The following CLK2 variants were observed in gnomAD, a reference collection of about 807,000 sequenced individuals.
The protein encoded by CLK2 is dual specificity protein kinase CLK2.
A neutral mutation model predicts 73.5 loss-of-function variants in CLK2; 12 were observed. The observed-to-expected ratio is 0.16, with a 90% CI of 0.10 to 0.26. The LOEUF is 0.26. Among genes scored for constraint, CLK2 ranks in the 10% least tolerant of loss-of-function variants. The probability of loss-of-function intolerance (pLI) is 1.00; values close to 1 mark genes in which losing one functional copy is unlikely to be tolerated. For missense variants in CLK2, 509 were observed against 688.4 expected (o/e 0.74, Z 2.92); for synonymous variants, 232 against 237.9 (o/e 0.98, Z 0.23).
At position 155,264,685 on chromosome 1, in the gene CLK2, A is replaced by T. The variant is rs773336636; in HGVS notation, c.1023T>A (p.Ile341=). The T allele has an allele frequency of 1.9e-6, 3 of 1,614,198 alleles. 1 individual carries two copies. In the South Asian group the frequency reaches 3.3e-5, roughly 18 times the overall value. ...ATFDHEHHST[I]VSTRHYRAPE... is the part of the protein sequence containing the mutation. ...GTGCTCGGTAATGGCGAGTGGAGAC[A>T]ATGGTGCTATGGTGCTCATGGTCAA... Residue 341 remains isoleucine (I), a synonymous_variant, in exon 9 of 13, where the codon ATT becomes ATA. Coordinates refer to ENST00000368361, the MANE Select transcript of CLK2 (RefSeq NM_001294338.2).
chr1:155,269,075 C>T (rs1336657780), intron 3 of CLK2: 2 of 590,160 alleles, frequency 3.4e-6, no homozygotes, highest in South Asian at 4.0e-5. Context: ...ACCCACAACC[C>T]CATGCTCTAC....
At chr1:155,267,278 AGACG>A (rs1354155853) in intron 6 of CLK2, among the ~76,000 whole-genome samples, 2 of 151,990 alleles carry the variant, frequency 1.3e-5, no homozygotes, top group Non-Finnish European at 2.9e-5. Context: ...TTTTTAGTAC[AGACG>A]GGGTTTCACC....
At chr1:155,271,414 CG>C in intron 1 of CLK2, among the ~76,000 whole-genome samples, 1 of 152,248 alleles carries the variant, frequency 6.6e-6, no homozygotes, top group Non-Finnish European at 1.5e-5. Context: ...TTAGTAGAGA[CG>C]GGGTTTCACC....
At chr1:155,265,212 C>A (rs560934907) in intron 8 of CLK2, among the ~76,000 whole-genome samples, 2 of 152,214 alleles carry the variant, frequency 1.3e-5, no homozygotes, top group East Asian at 1.9e-4. Flanking sequence ...CTGAGATCTC[C>A]ATTATCTCCA....
At position 155,264,789 on chromosome 1, in the gene CLK2, G is replaced by A. The variant is rs1557931509; in HGVS notation, c.934-15C>T. ...TCATCTCGCTTCTAGGAGCAGAGGA[G>A]AAAGAGGATGAACCTCTGCACCCAG... On this transcript the variant is annotated splice_polypyrimidine_tract_variant and intron_variant, in intron 8 of 12. Transcript: ENST00000368361. 2.5e-6 allele frequency: 4 copies of A among 1,613,462 alleles called. No individual in the cohort carries two copies. The highest frequency in any genetic ancestry group is 3.4e-6 in the Non-Finnish European group (4 of 1,179,610).
At position 155,265,592 on chromosome 1, in the gene CLK2, A is replaced by AATAAATAT. The variant is rs145986141; in HGVS notation, c.933+267_933+268insATATTTAT. Among the ~76,000 whole-genome samples, 8,748 of 149,878 alleles carry AATAAATAT rather than the reference A, an allele frequency of 0.058. 1,546 individuals are homozygous for AATAAATAT. In the East Asian group the frequency reaches 0.67, roughly 11 times the overall value. On this transcript the variant is annotated intron_variant, in intron 8 of 12. Coordinates refer to ENST00000368361, the MANE Select transcript of CLK2 (RefSeq NM_001294338.2). ...AAATAAATAAATAAATAAATAAATAAATAAATAAATAAAGTCCAAACCAAG... is the reference window on the plus strand; with the variant it reads ...AAATAAATAAATAAATAAATAAATAAATAAATATATAAATAAATAAAGTCCAAACCAAG...
chr1:155,269,741 G>A (rs1284201950), intron 2 of CLK2, 25 bp from the exon 3 acceptor site: 2 of 1,593,340 alleles, frequency 1.3e-6, no homozygotes, highest in South Asian at 1.1e-5. Context: ...ATACCAATGA[G>A]GTGTATCTGT....
intron 6 of CLK2, among the ~76,000 whole-genome samples, chr1:155,267,360 G>C (rs1317226000): frequency 1.3e-5 from 2 of 152,178 alleles, no homozygotes; most frequent in Non-Finnish European, 2.9e-5. Context: ...AAAGTGCTGG[G>C]ATTACAGGCG....
Position 155,268,366 on chromosome 1 carries a change from T to C in CLK2, c.488-7A>G. On this transcript the variant is annotated splice_region_variant and splice_polypyrimidine_tract_variant and intron_variant, in intron 4 of 12. Coordinates refer to ENST00000368361, the MANE Select transcript of CLK2 (RefSeq NM_001294338.2). The surrounding 1 kb of genome is among the most constrained non-coding windows in gnomAD (Gnocchi z 5.6). ...AAGGTGCTAACGATTTCATCTGAAA[T>C]GAAAGAGAGCAGGGTCGGGGAGAGG... 6.2e-7 allele frequency: 1 copy of C among 1,613,060 alleles called. No individual in the cohort carries two copies. Among genetic ancestry groups the C allele is most frequent in the Non-Finnish European group, 8.5e-7 (1 of 1,179,550 alleles).
chr1:155,267,894 A>G, intron 6 of CLK2, 116 bp downstream of exon 6: 1 of 730,000 alleles, frequency 1.4e-6, no homozygotes, highest in South Asian at 1.6e-5. Flanking sequence ...GATGAACAAA[A>G]GATGAATGGA....
Position 155,272,575 on chromosome 1 carries a change from T to C in CLK2, c.-1+626A>G, listed in dbSNP as rs80184337. Among the ~76,000 whole-genome samples the C allele has an allele frequency of 1.4e-4, 21 of 152,286 alleles. No individual in the cohort carries two copies. The East Asian group carries it at 2.1e-3, about 15-fold the overall frequency. ...TGATTCCGATGTCTGACCACCATTC[T>C]GTATCACTTCTTCCCAACCTCCCCA... On this transcript the variant is annotated intron_variant, in intron 1 of 12. Coordinates refer to ENST00000368361, the MANE Select transcript of CLK2 (RefSeq NM_001294338.2).
chr1:155,264,622 T>TG lies in CLK2; in HGVS notation c.1063+22dup, dbSNP rs1406223168. 1.9e-6 allele frequency: 3 copies of TG among 1,614,096 alleles called. No homozygotes were observed. In the East Asian group the frequency reaches 6.7e-5, roughly 36 times the overall value. ...CCACCCTCACATCATCTCACACACT[T>TG]GGACAGCCTTGCCCTCCCTTACCAA... On this transcript the variant is annotated intron_variant, in intron 9 of 12. Coordinates refer to ENST00000368361, the MANE Select transcript of CLK2 (RefSeq NM_001294338.2).
rs1427607600 is a variant in CLK2, at chr1:155,270,782, TTGAGTATCTCTTCCTGAGGCC to T, written c.170+5_170+25del. On this transcript the variant is annotated splice_donor_5th_base_variant and intron_variant, in intron 2 of 12. Coordinates refer to ENST00000368361, the MANE Select transcript of CLK2 (RefSeq NM_001294338.2). ...AAGGAATGAGCGAGTGACCCTGTGT[TTGAGTATCTCTTCCTGAGGCC>T]TCACCTTCGAGAACGGACATGGTAG... The T allele has an allele frequency of 1.9e-6, 3 of 1,593,320 alleles. No individual in the cohort carries two copies. Among genetic ancestry groups the T allele is most frequent in the Non-Finnish European group, 2.6e-6 (3 of 1,163,112 alleles).
At position 155,268,861 on chromosome 1, in the gene CLK2, T is replaced by TGGGTGGGGGGGGGGG; in HGVS notation, c.400-67_400-66insCCCCCCCCCCCACCC. Reference sequence around the variant, plus strand: ...GAGCGGGGGCCGGAGGGAGGCGGGGTGGGTGGTAGAGGGGTCACCGGTCAC... The same window carrying TGGGTGGGGGGGGGGG: ...GAGCGGGGGCCGGAGGGAGGCGGGGTGGGTGGGGGGGGGGGGGGTGGTAGAGGGGTCACCGGTCAC... On this transcript the variant is annotated intron_variant, in intron 3 of 12. Coordinates refer to ENST00000368361, the MANE Select transcript of CLK2 (RefSeq NM_001294338.2). The surrounding 1 kb of genome is among the most constrained non-coding windows in gnomAD (Gnocchi z 5.6). The TGGGTGGGGGGGGGGG allele has an allele frequency of 8.4e-6, 2 of 237,798 alleles. No homozygotes were observed. The highest frequency in any genetic ancestry group is 9.9e-4 in the Middle Eastern group (1 of 1,012). The allele number at this position is 237,798 out of a possible 1,614,324, so 14.7% of individuals were successfully genotyped here. A position where few individuals can be genotyped will look rare whatever the true frequency, so the allele number is the denominator to read the frequency against.
chr1:155,270,692 A>G, intron 2 of CLK2, 116 bp downstream of exon 2: 9 of 1,202,196 alleles, frequency 7.5e-6, no homozygotes, highest in Non-Finnish European at 1.1e-5. Flanking sequence ...CTATCCCGAC[A>G]TTACCTTCAG....
chr1:155,269,444 C>T (rs1434778195), intron 3 of CLK2, 44 bp downstream of exon 3: 6 of 1,539,436 alleles, frequency 3.9e-6, no homozygotes, highest in South Asian at 2.2e-5. Context: ...TCCTAGAGGG[C>T]CTGCAGAAGA....
intron 6 of CLK2, among the ~76,000 whole-genome samples, chr1:155,267,412 C>T (rs1386605746): frequency 2.6e-5 from 4 of 152,096 alleles, no homozygotes; most frequent in East Asian, 1.9e-4. Context: ...TATCTTCCTG[C>T]GTCATTTTAA....
intron 1 of CLK2, among the ~76,000 whole-genome samples, chr1:155,271,851 T>A (rs557266760): frequency 6.6e-6 from 1 of 152,272 alleles, no homozygotes; most frequent in African/African-American, 2.4e-5. Flanking sequence ...TACTATCAGC[T>A]CCAGGGATCT....
At chr1:155,266,921 G>T (rs1183684960) in intron 6 of CLK2, 26 bp from the exon 7 acceptor site, 1 of 1,610,668 alleles carries the variant, frequency 6.2e-7, no homozygotes, top group Non-Finnish European at 8.5e-7. Flanking sequence ...GGGGAAGGGG[G>T]GTTGTCTGAT....
Sources: allele counts gnomAD v4.1 joint callset (sites outside exome capture counted in the v4.1 genomes callset), GRCh38; gene constraint gnomAD v4.1.1; non-coding constraint Gnocchi (gnomAD v3.1); transcripts MANE v1.5; gene names NCBI Gene and HGNC (gene_info 2026-07-23, HGNC 2026-07-21).